Variants in DCC observed in about 807,000 individuals in gnomAD.
The protein encoded by DCC is DCC netrin 1 receptor.
Under a neutral mutation model 172.5 loss-of-function variants are expected in DCC, and 58 were observed. That is an observed-to-expected ratio of 0.34 (90% CI 0.27 to 0.42). The LOEUF (loss-of-function observed/expected upper bound fraction) is 0.42. DCC is among the 10% of genes least tolerant of loss of function. The pLI, the probability that DCC is intolerant of heterozygous loss-of-function variation, is 1.00. For synonymous variants in DCC, 709 were observed against 644.5 expected (o/e 1.10, Z -1.52); for missense variants, 1,740 against 1,791.0 (o/e 0.97, Z 0.51).
chr18:52,704,966 T>G (rs1203120023), intron 1 of DCC, among the ~76,000 whole-genome samples: 1 of 152,158 alleles, frequency 6.6e-6, no homozygotes, highest in Non-Finnish European at 1.5e-5. Flanking sequence ...GTACCCTTCA[T>G]GCATCTTAAT....
At chr18:52,854,501 C>A (rs1269983179) in intron 2 of DCC, among the ~76,000 whole-genome samples, 1 of 152,092 alleles carries the variant, frequency 6.6e-6, no homozygotes, top group Non-Finnish European at 1.5e-5. Context: ...GTGGACTTCC[C>A]TCTCTCCATG....
chr18:53,000,163 A>T (rs11663217), intron 5 of DCC, among the ~76,000 whole-genome samples: 3 of 152,010 alleles, frequency 2.0e-5, no homozygotes, highest in Admixed American at 6.6e-5. Flanking sequence ...TAAGCCACCC[A>T]GTTTGTGGTA....
At chr18:53,508,145 G>C (rs1213904808) in intron 27 of DCC, among the ~76,000 whole-genome samples, 1 of 151,808 alleles carries the variant, frequency 6.6e-6, no homozygotes, top group Middle Eastern at 3.4e-3. Context: ...TGCCCGCCTC[G>C]GCCTCCCAAA....
At chr18:53,275,193 A>G (rs1055185702) in intron 12 of DCC, among the ~76,000 whole-genome samples, 5 of 152,142 alleles carry the variant, frequency 3.3e-5, no homozygotes, top group Admixed American at 3.3e-4. Flanking sequence ...GAGATAAAAC[A>G]TGCATTGAAA....
At chr18:52,354,890 T>C (rs945760534) in intron 1 of DCC, among the ~76,000 whole-genome samples, 2 of 152,180 alleles carry the variant, frequency 1.3e-5, no homozygotes, top group Admixed American at 6.6e-5. Flanking sequence ...AATAATGTTA[T>C]TGGCAGCATT....
chr18:53,092,479 A>C lies in DCC; in HGVS notation c.1261+26313A>C, dbSNP rs578243404. The stretch of plus-strand genomic sequence containing the variant: ...AAGCAAGCACTCCATCATTTATTAA[A>C]GCATATAAAATATATATCATAACAT... On this transcript the variant is annotated intron_variant, in intron 7 of 28. Coordinates refer to ENST00000442544, the MANE Select transcript of DCC (RefSeq NM_005215.4). Among the ~76,000 whole-genome samples the C allele has an allele frequency of 2.0e-5, 3 of 152,356 alleles. No homozygotes were observed. The East Asian group carries it at 5.8e-4, about 29-fold the overall frequency.
At chr18:52,711,782 A>G (rs1219085296) in intron 1 of DCC, among the ~76,000 whole-genome samples, 2 of 152,132 alleles carry the variant, frequency 1.3e-5, no homozygotes, top group East Asian at 3.8e-4. Context: ...TTGTGGTAAT[A>G]GCATGGCATG....
chr18:53,150,090 A>G (rs569926249), intron 7 of DCC, among the ~76,000 whole-genome samples: 1 of 152,314 alleles, frequency 6.6e-6, no homozygotes, highest in African/African-American at 2.4e-5. Flanking sequence ...TCCTCTAGGG[A>G]TCAAGGCTGA....
intron 11 of DCC, among the ~76,000 whole-genome samples, chr18:53,215,006 C>T (rs972245404): frequency 3.3e-5 from 5 of 152,076 alleles, no homozygotes; most frequent in African/African-American, 1.2e-4. Context: ...TTGCAACCTG[C>T]TTGTATTTAT....
At chr18:53,517,950 A>AGAT (rs2046357076) in intron 27 of DCC, among the ~76,000 whole-genome samples, 1 of 152,142 alleles carries the variant, frequency 6.6e-6, no homozygotes, top group Non-Finnish European at 1.5e-5. Flanking sequence ...TATTTGTTGA[A>AGAT]GATGAAAGGG....
chr18:53,260,272 A>G (rs958695031), intron 12 of DCC, among the ~76,000 whole-genome samples: 1 of 151,914 alleles, frequency 6.6e-6, no homozygotes, highest in African/African-American at 2.4e-5. Context: ...AGAGGAGGAG[A>G]GGCGTTCTGA....
intron 26 of DCC, among the ~76,000 whole-genome samples, chr18:53,496,606 G>A (rs529191675): frequency 1.6e-4 from 25 of 152,318 alleles, no homozygotes; most frequent in African/African-American, 5.8e-4. Context: ...GACAGAGAAT[G>A]AGTCTGATGA....
chr18:53,013,302 G>A (rs1176159398), intron 5 of DCC, among the ~76,000 whole-genome samples: 1 of 152,010 alleles, frequency 6.6e-6, no homozygotes, highest in Non-Finnish European at 1.5e-5. Flanking sequence ...CAACCCAAAT[G>A]TCCATAATTG....
At chr18:53,111,140 A>T (rs1278874585) in intron 7 of DCC, among the ~76,000 whole-genome samples, 1 of 150,860 alleles carries the variant, frequency 6.6e-6, no homozygotes, top group Non-Finnish European at 1.5e-5. Context: ...TCAGTAAGCT[A>T]TCGCAAGGAC....
intron 1 of DCC, among the ~76,000 whole-genome samples, chr18:52,584,256 G>T (rs371349114): frequency 3.3e-5 from 5 of 152,162 alleles, no homozygotes; most frequent in African/African-American, 9.7e-5. Flanking sequence ...CCAGCACTTT[G>T]GTCTCATTTC....
chr18:52,385,499 C>A (rs1046775448), intron 1 of DCC, among the ~76,000 whole-genome samples: 2 of 152,070 alleles, frequency 1.3e-5, no homozygotes, highest in Admixed American at 6.5e-5. Flanking sequence ...GCTACTGTGC[C>A]TGGCCTGAAA....
At chr18:52,912,522 CAG>C (rs1389279326) in intron 3 of DCC, among the ~76,000 whole-genome samples, 1 of 151,972 alleles carries the variant, frequency 6.6e-6, no homozygotes, top group African/African-American at 2.4e-5. Context: ...TAAGAGAAGT[CAG>C]AGTTTCCTGC....
intron 7 of DCC, among the ~76,000 whole-genome samples, chr18:53,087,947 G>T (rs372648165): frequency 1.3e-5 from 2 of 152,006 alleles, no homozygotes; most frequent in East Asian, 3.9e-4. Flanking sequence ...CCTCTGTTCT[G>T]TTCCATTGAT....
At chr18:53,174,958 C>T (rs1020730029) in intron 8 of DCC, among the ~76,000 whole-genome samples, 34 of 152,272 alleles carry the variant, frequency 2.2e-4, no homozygotes, top group African/African-American at 8.2e-4. Flanking sequence ...TCCATCAGCA[C>T]ATCAAAAAGC....
Sources: gnomAD v4.1 joint callset for allele counts (sites outside exome capture counted in the v4.1 genomes callset) on GRCh38, gnomAD v4.1.1 for gene constraint, MANE v1.5 for transcripts, NCBI Gene and HGNC (gene_info 2026-07-23, HGNC 2026-07-21) for gene names.